OARD1: variants seen among roughly 807,000 people sequenced by gnomAD.
OARD1 encodes the protein ADP-ribose glycohydrolase OARD1.
A neutral mutation model predicts 19.7 loss-of-function variants in OARD1; 19 were observed. The observed-to-expected ratio is 0.96, with a 90% CI of 0.67 to 1.41. The LOEUF (loss-of-function observed/expected upper bound fraction) is 1.41, where lower values mean the gene tolerates loss of function less well. Among genes scored for constraint, OARD1 ranks in the 40% most tolerant of loss-of-function variants. The pLI, the probability that OARD1 is intolerant of heterozygous loss-of-function variation, is 0.00. For missense variants in OARD1, 190 were observed against 183.8 expected (o/e 1.03, Z -0.20); for synonymous variants, 70 against 61.8 (o/e 1.13, Z -0.62).
intron 1 of OARD1, among the ~76,000 whole-genome samples, chr6:41,089,204 G>C (rs556341506): frequency 7.2e-5 from 11 of 152,192 alleles, no homozygotes; most frequent in Admixed American, 7.2e-4. Flanking sequence ...GGCTGGTCTC[G>C]AACTCCTGAC....
chr6:41,073,202 G>GAGCCT (rs1311221774), upstream of OARD1: 1 of 151,964 alleles, frequency 6.6e-6, no homozygotes, highest in East Asian at 2.0e-4. Flanking sequence ...GAGTCGAGCT[G>GAGCCT]AGCCTAGCCG....
intron 1 of OARD1, among the ~76,000 whole-genome samples, chr6:41,085,809 A>C (rs1764029858): frequency 6.6e-6 from 1 of 151,870 alleles, no homozygotes; most frequent in Non-Finnish European, 1.5e-5. Flanking sequence ...CAGAATTTCT[A>C]ATTTATAAAA....
chr6:41,087,701 T>C (rs1764084501), intron 1 of OARD1, among the ~76,000 whole-genome samples: 1 of 151,676 alleles, frequency 6.6e-6, no homozygotes, highest in South Asian at 2.1e-4. Flanking sequence ...TCCTCACTGC[T>C]TTCTCTTTTG....
chr6:41,080,343 C>T (rs1430833150), intron 1 of OARD1, among the ~76,000 whole-genome samples: 2 of 151,948 alleles, frequency 1.3e-5, no homozygotes, highest in South Asian at 2.1e-4. Context: ...GACATGAGAG[C>T]ATTGACGTCA....
At chr6:41,080,889 C>T (rs1763886953) in intron 1 of OARD1, 20 of 1,613,552 alleles carry the variant, frequency 1.2e-5, no homozygotes, top group South Asian at 2.2e-5. Context: ...AGTCCAGACC[C>T]TCCAGGTAGT....
At chr6:41,082,130 A>T (rs1763927334) in intron 1 of OARD1, among the ~76,000 whole-genome samples, 1 of 152,248 alleles carries the variant, frequency 6.6e-6, no homozygotes, top group Admixed American at 6.5e-5. Context: ...AGTGCTGCTA[A>T]GCATCCAGCA....
At chr6:41,091,788 T>G in intron 1 of OARD1, 2 of 1,410,028 alleles carry the variant, frequency 1.4e-6, no homozygotes, top group Non-Finnish European at 1.9e-6. Flanking sequence ...CTCTTGGGAT[T>G]GAGATCGATC....
chr6:41,080,800 C>T, intron 1 of OARD1: 1 of 1,610,062 alleles, frequency 6.2e-7, no homozygotes, highest in Non-Finnish European at 8.5e-7. Context: ...TCTTCCTGTT[C>T]CTGTTCTCAG....
chr6:41,065,106 T>G lies in OARD1; in HGVS notation c.*2229A>C, dbSNP rs1203755802. 6.6e-6 allele frequency: 1 copy of G among 152,196 alleles called. No homozygotes were observed. The highest frequency in any genetic ancestry group is 6.5e-5 in the Admixed American group (1 of 15,272). 9.4% of individuals were successfully genotyped at this position (152,196 alleles called of 1,614,324 possible). A position where few individuals can be genotyped will look rare whatever the true frequency, so the allele number is the denominator to read the frequency against. Reference sequence around the variant, plus strand: ...TTGACCCAAGACTACTATCGGCAAATGACAAAGTGCTTTATCACATTCCTG... The same window carrying G: ...TTGACCCAAGACTACTATCGGCAAAGGACAAAGTGCTTTATCACATTCCTG... On this transcript the variant is annotated 3_prime_UTR_variant, in exon 6 of 6. Coordinates refer to ENST00000424266, the MANE Select transcript of OARD1 (RefSeq NM_001329686.2).
chr6:41,087,072 T>A (rs1438525659), intron 1 of OARD1, among the ~76,000 whole-genome samples: 1 of 152,208 alleles, frequency 6.6e-6, no homozygotes, highest in Non-Finnish European at 1.5e-5. Context: ...ATTCAGAATA[T>A]GTATAAATAA....
chr6:41,080,759 C>T (rs777006663), intron 1 of OARD1: 2 of 1,467,686 alleles, frequency 1.4e-6, no homozygotes, highest in Non-Finnish European at 1.9e-6. Flanking sequence ...GTGTCTTGAA[C>T]TACACATTTC....
intron 3 of OARD1, among the ~76,000 whole-genome samples, chr6:41,070,672 T>C (rs1763290652): frequency 6.6e-6 from 1 of 152,248 alleles, no homozygotes; most frequent in African/African-American, 2.4e-5. Flanking sequence ...CTGATGCTGT[T>C]AAGCCTGGAA....
rs1222566973 is a variant in OARD1, at chr6:41,065,469, GTTTC to G, written c.*1862_*1865del. ...TGCAGAGTTAAGCAAAATATTTTAAGTTTCTTTAAGTTTCTTATCCCCCACTCTC... is the reference window on the plus strand; with the variant it reads ...TGCAGAGTTAAGCAAAATATTTTAAGTTTAAGTTTCTTATCCCCCACTCTC... On this transcript the variant is annotated 3_prime_UTR_variant, in exon 6 of 6. Coordinates refer to ENST00000424266, the MANE Select transcript of OARD1 (RefSeq NM_001329686.2). The G allele has an allele frequency of 6.6e-6, 1 of 152,150 alleles. No individual in the cohort carries two copies. The highest frequency in any genetic ancestry group is 1.5e-5 in the Non-Finnish European group (1 of 68,020). 9.4% of individuals were successfully genotyped at this position (152,150 alleles called of 1,614,324 possible). A position where few individuals can be genotyped will look rare whatever the true frequency, so the allele number is the denominator to read the frequency against.
chr6:41,082,273 T>G (rs1235215185), intron 1 of OARD1, among the ~76,000 whole-genome samples: 1 of 152,254 alleles, frequency 6.6e-6, no homozygotes, highest in South Asian at 2.1e-4. Flanking sequence ...CTTGTAGGCA[T>G]TCCAAAATTG....
intron 3 of OARD1, 26 bp downstream of exon 3, chr6:41,071,106 C>T (rs13191323): frequency 0.25 from 400,208 of 1,610,832 alleles, 52,594 homozygotes; most frequent in African/African-American, 0.45. Flanking sequence ...CCAGGGCAAA[C>T]CAGGTAAGTG....
intron 1 of OARD1, among the ~76,000 whole-genome samples, chr6:41,087,426 GTTC>G (rs1362687066): frequency 1.3e-5 from 2 of 152,158 alleles, no homozygotes; most frequent in East Asian, 1.9e-4. Flanking sequence ...TTCTAGGCAT[GTTC>G]TTCTTTCCAG....
At chr6:41,068,808 TA>T (rs766205974) in intron 5 of OARD1, 32 bp downstream of exon 5, 1 of 1,155,166 alleles carries the variant, frequency 8.7e-7, no homozygotes, top group African/African-American at 1.6e-5. Context: ...ACCAATCAAT[TA>T]AATCTCCATT....
chr6:41,069,143 T>G lies in OARD1; in HGVS notation c.244-190A>C. ...GAGACCTTCAAGAAAATCCACTAAA[T>G]AGAGGCTGAGAAACCCAGACTCTGC... On this transcript the variant is annotated intron_variant, in intron 4 of 5. Coordinates refer to ENST00000424266, the MANE Select transcript of OARD1 (RefSeq NM_001329686.2). 4 of 411,930 alleles carry G rather than the reference T, an allele frequency of 9.7e-6. No individual in the cohort carries two copies. The South Asian group carries it at 1.5e-4, about 16-fold the overall frequency. 25.5% of individuals were successfully genotyped at this position (411,930 alleles called of 1,614,324 possible).
At chr6:41,091,986 T>C (rs975743991) in intron 1 of OARD1, among the ~76,000 whole-genome samples, 1 of 152,218 alleles carries the variant, frequency 6.6e-6, no homozygotes, top group African/African-American at 2.4e-5. Context: ...AATTATATAC[T>C]AATCTTTGAG....
Sources: allele counts gnomAD v4.1 joint callset (sites outside exome capture counted in the v4.1 genomes callset), GRCh38; gene constraint gnomAD v4.1.1; transcripts MANE v1.5; gene names NCBI Gene and HGNC (gene_info 2026-07-23, HGNC 2026-07-21).